MAPK4: variants seen among roughly 807,000 people sequenced by gnomAD.
The protein encoded by MAPK4 is Erk3-related.
A neutral mutation model predicts 47.7 loss-of-function variants in MAPK4; 22 were observed. That is an observed-to-expected ratio of 0.46 (90% CI 0.33 to 0.66). The LOEUF (loss-of-function observed/expected upper bound fraction) is 0.66. Ranked by LOEUF, MAPK4 falls within the 30% of genes least tolerant of loss-of-function variation. MAPK4 has a pLI of 0.02. For synonymous variants in MAPK4, 390 were observed against 365.7 expected (o/e 1.07, Z -0.76); for missense variants, 736 against 831.7 (o/e 0.88, Z 1.42).
chr18:50,587,538 C>T (rs1457608414), intron 1 of MAPK4, among the ~76,000 whole-genome samples: 5 of 152,162 alleles, frequency 3.3e-5, no homozygotes, highest in African/African-American at 1.2e-4. Context: ...GGAGCCTAGG[C>T]CTCCTAGGTC....
At position 50,609,148 on chromosome 18, in the gene MAPK4, T is replaced by A. The variant is rs796651729; in HGVS notation, c.-871+48905T>A. ...TCTACACAGACAGCAACAATCTGAT[T>A]TCTCTATCTTTTCCCCACATTTCCC... is the stretch of plus-strand genomic sequence containing the variant. On this transcript the variant is annotated intron_variant, in intron 1 of 5. Transcript: ENST00000400384. 4.6e-5 allele frequency among the ~76,000 whole-genome samples: 7 copies of A among 152,186 alleles called. No individual in the cohort carries two copies. The South Asian group carries it at 1.5e-3, about 32-fold the overall frequency.
intron 2 of MAPK4, among the ~76,000 whole-genome samples, chr18:50,679,740 C>G (rs1350353807): frequency 6.6e-6 from 1 of 152,188 alleles, no homozygotes; most frequent in Non-Finnish European, 1.5e-5. Context: ...TGGAGGCGCT[C>G]GGGCTTCCGC....
intron 1 of MAPK4, among the ~76,000 whole-genome samples, chr18:50,638,753 A>G (rs759839876): frequency 5.3e-5 from 8 of 152,366 alleles, no homozygotes; most frequent in Middle Eastern, 3.4e-3. Context: ...CATCAGCAGC[A>G]TCCTAATCCT....
At chr18:50,576,629 C>T (rs1030965947) in intron 1 of MAPK4, among the ~76,000 whole-genome samples, 1 of 151,948 alleles carries the variant, frequency 6.6e-6, no homozygotes, top group Non-Finnish European at 1.5e-5. Flanking sequence ...GTGCCCTGAA[C>T]CTAAAATAAA....
intron 2 of MAPK4, among the ~76,000 whole-genome samples, chr18:50,704,015 G>A (rs1413678668): frequency 1.3e-5 from 2 of 152,112 alleles, no homozygotes; most frequent in African/African-American, 4.8e-5. Flanking sequence ...ATTTAGGCTG[G>A]ACCACCAGGA....
At chr18:50,563,974 G>C (rs1482678114) in intron 1 of MAPK4, among the ~76,000 whole-genome samples, 2 of 152,186 alleles carry the variant, frequency 1.3e-5, no homozygotes, top group Admixed American at 6.5e-5. Flanking sequence ...ACAATGTCAG[G>C]CACAGACAAG....
intron 1 of MAPK4, among the ~76,000 whole-genome samples, chr18:50,657,488 G>T (rs1435763179): frequency 6.6e-6 from 1 of 152,184 alleles, no homozygotes; most frequent in East Asian, 1.9e-4. Flanking sequence ...ACCTGAGTGA[G>T]CTTGGAAGCC....
intron 2 of MAPK4, among the ~76,000 whole-genome samples, chr18:50,710,736 C>T (rs1006666963): frequency 1.3e-4 from 20 of 151,860 alleles, no homozygotes; most frequent in Admixed American, 3.9e-4. Context: ...GCAGAGATAG[C>T]GCCACTGCAC....
chr18:50,621,830 G>A (rs765379504), intron 1 of MAPK4, among the ~76,000 whole-genome samples: 15 of 152,196 alleles, frequency 9.9e-5, no homozygotes, highest in Non-Finnish European at 1.9e-4. Context: ...AAGTACCTGC[G>A]ATACTTTCTG....
chr18:50,571,259 C>T (rs1307086039), intron 1 of MAPK4, among the ~76,000 whole-genome samples: 1 of 152,136 alleles, frequency 6.6e-6, no homozygotes, highest in African/African-American at 2.4e-5. Flanking sequence ...AAAAATTAGT[C>T]CACCATATTG....
At chr18:50,633,137 G>A (rs1435092882) in intron 1 of MAPK4, among the ~76,000 whole-genome samples, 1 of 152,214 alleles carries the variant, frequency 6.6e-6, no homozygotes, top group Non-Finnish European at 1.5e-5. Context: ...GGAAGAATCA[G>A]CACAGCTCTT....
intron 2 of MAPK4, among the ~76,000 whole-genome samples, chr18:50,687,125 T>C (rs527493942): frequency 1.8e-4 from 27 of 152,344 alleles, no homozygotes; most frequent in African/African-American, 6.3e-4. Context: ...ATTCTTGCCA[T>C]ACCAATTTTA....
At chr18:50,579,138 G>A (rs761673807) in intron 1 of MAPK4, among the ~76,000 whole-genome samples, 3 of 152,154 alleles carry the variant, frequency 2.0e-5, no homozygotes, top group Non-Finnish European at 2.9e-5. Flanking sequence ...AGCAGGAGAG[G>A]ATGGTGATCA....
chr18:50,628,726 C>T (rs1166015926), intron 1 of MAPK4, among the ~76,000 whole-genome samples: 1 of 151,914 alleles, frequency 6.6e-6, no homozygotes, highest in Admixed American at 6.6e-5. Context: ...GACCTCTCCT[C>T]TCCCACCCAC....
intron 2 of MAPK4, among the ~76,000 whole-genome samples, chr18:50,679,485 A>G (rs1432655819): frequency 5.9e-5 from 9 of 152,132 alleles, no homozygotes; most frequent in African/African-American, 2.2e-4. Context: ...ATAACTCTGG[A>G]TCCTCATACC....
At chr18:50,588,588 A>C (rs999017757) in intron 1 of MAPK4, among the ~76,000 whole-genome samples, 17 of 151,838 alleles carry the variant, frequency 1.1e-4, no homozygotes, top group African/African-American at 4.1e-4. Context: ...AAAGGGTCCC[A>C]CTCCGGTTGT....
At chr18:50,624,304 C>T (rs111437289) in intron 1 of MAPK4, among the ~76,000 whole-genome samples, 2 of 152,310 alleles carry the variant, frequency 1.3e-5, no homozygotes, top group African/African-American at 4.8e-5. Flanking sequence ...ACAAGAGTAC[C>T]AGCCAAATTA....
At chr18:50,635,657 C>T (rs1214786032) in intron 1 of MAPK4, among the ~76,000 whole-genome samples, 1 of 152,238 alleles carries the variant, frequency 6.6e-6, no homozygotes, top group Non-Finnish European at 1.5e-5. Flanking sequence ...ATCTGCAAGA[C>T]TCCGTGGTCT....
chr18:50,666,222 A>G lies in MAPK4; in HGVS notation c.546+1718A>G, dbSNP rs553298837. ...TGTGGCGTAAACTGGCTATCGCAAT[A>G]ATTCTTTGGGGGTGACATGGTGTGA... is the stretch of plus-strand genomic sequence containing the variant. On this transcript the variant is annotated intron_variant, in intron 2 of 5. Transcript: ENST00000400384. Among the ~76,000 whole-genome samples the G allele has an allele frequency of 5.3e-5, 8 of 152,246 alleles. No homozygotes were observed. The East Asian group carries it at 1.5e-3, about 29-fold the overall frequency.
Sources: allele counts gnomAD v4.1 joint callset (sites outside exome capture counted in the v4.1 genomes callset), GRCh38; gene constraint gnomAD v4.1.1; transcripts MANE v1.5; gene names NCBI Gene and HGNC (gene_info 2026-07-23, HGNC 2026-07-21).